Variants in ELP4 observed in about 807,000 individuals in gnomAD.
ELP4 encodes the protein elongator acetyltransferase complex subunit 4.
A neutral mutation model predicts 48.9 loss-of-function variants in ELP4; 51 were observed. That is an observed-to-expected ratio of 1.04 (90% CI 0.83 to 1.32). The LOEUF (loss-of-function observed/expected upper bound fraction) is 1.32. Among genes scored for constraint, ELP4 ranks in the 40% most tolerant of loss-of-function variants. The pLI, the probability that ELP4 is intolerant of heterozygous loss-of-function variation, is 0.00. For synonymous variants in ELP4, 210 were observed against 189.2 expected, an observed-to-expected ratio of 1.11 and a Z score of -0.90; for missense variants, 519 against 514.6, an observed-to-expected ratio of 1.01 and a Z score of -0.08.
intron 9 of ELP4, among the ~76,000 whole-genome samples, chr11:31,716,660 G>A (rs138806224): frequency 7.9e-5 from 12 of 152,222 alleles, no homozygotes; most frequent in African/African-American, 2.2e-4. Context: ...GATGATTTAC[G>A]TAGCTGGACA....
chr11:31,713,787 C>A (rs1452059211), intron 9 of ELP4, among the ~76,000 whole-genome samples: 1 of 152,006 alleles, frequency 6.6e-6, no homozygotes, highest in Non-Finnish European at 1.5e-5. Context: ...CAAACATACA[C>A]AAAAGTAGAG....
intron 9 of ELP4, among the ~76,000 whole-genome samples, chr11:31,725,180 G>A (rs1947051107): frequency 6.6e-6 from 1 of 152,198 alleles, no homozygotes; most frequent in Admixed American, 6.5e-5. Flanking sequence ...CGGGCTAGAT[G>A]TTTGAGTTTT....
chr11:31,738,996 T>C (rs1429195189), intron 9 of ELP4, among the ~76,000 whole-genome samples: 1 of 152,158 alleles, frequency 6.6e-6, no homozygotes, highest in African/African-American at 2.4e-5. Context: ...GAGATCTGTG[T>C]ACAACATTGT....
chr11:31,755,994 A>G (rs1332187325), intron 9 of ELP4, among the ~76,000 whole-genome samples: 8 of 152,204 alleles, frequency 5.3e-5, no homozygotes, highest in Non-Finnish European at 7.3e-5. Flanking sequence ...GAATTTTCCT[A>G]CATATCCGGG....
intron 7 of ELP4, among the ~76,000 whole-genome samples, chr11:31,641,716 T>G (rs561153679): frequency 1.2e-3 from 177 of 152,038 alleles, no homozygotes; most frequent in African/African-American, 4.1e-3. Flanking sequence ...CCCACCTGCC[T>G]CAGCCTTTTT....
At chr11:31,513,669 G>T (rs1956051881) in intron 1 of ELP4, among the ~76,000 whole-genome samples, 1 of 152,066 alleles carries the variant, frequency 6.6e-6, no homozygotes, top group Non-Finnish European at 1.5e-5. Context: ...AAAATGTATA[G>T]CTTAGTCAGA....
intron 2 of ELP4, among the ~76,000 whole-genome samples, chr11:31,521,867 T>C (rs1397302434): frequency 6.6e-6 from 1 of 152,172 alleles, no homozygotes; most frequent in Non-Finnish European, 1.5e-5. Flanking sequence ...AATTATGCCA[T>C]TTAATCATTT....
At position 31,787,379 on chromosome 11, in the gene ELP4, A is replaced by C. The variant is rs1948730076; in HGVS notation, c.*3855A>C. The C allele has an allele frequency of 4.3e-6, 1 of 233,366 alleles. No homozygotes were observed. The highest frequency in any genetic ancestry group is 2.2e-5 in the African/African-American group (1 of 45,470). The allele number at this position is 233,366 out of a possible 1,614,324, so 14.5% of individuals were successfully genotyped here. A position where few individuals can be genotyped will look rare whatever the true frequency, so the allele number is the denominator to read the frequency against. On this transcript the variant is annotated 3_prime_UTR_variant, in exon 10 of 10. Transcript: ENST00000640961. ...CCACCTCTTGCACCTGGCGTGCGACATCCGGGTCTCCAAAGTCTCTGCTGT... is the reference window on the plus strand; with the variant it reads ...CCACCTCTTGCACCTGGCGTGCGACCTCCGGGTCTCCAAAGTCTCTGCTGT...
intron 3 of ELP4, among the ~76,000 whole-genome samples, chr11:31,569,091 A>T (rs952778106): frequency 3.8e-4 from 58 of 152,026 alleles, no homozygotes; most frequent in African/African-American, 8.2e-4. Context: ...TCTCAAAAAA[A>T]AAAATAAAAA....
chr11:31,692,768 T>C (rs1024941432), intron 9 of ELP4, among the ~76,000 whole-genome samples: 1 of 152,084 alleles, frequency 6.6e-6, no homozygotes, highest in African/African-American at 2.4e-5. Flanking sequence ...CCTCTCCACC[T>C]CCTACCACTG....
intron 9 of ELP4, among the ~76,000 whole-genome samples, chr11:31,769,223 G>A (rs182797939): frequency 9.2e-5 from 14 of 152,040 alleles, no homozygotes; most frequent in Admixed American, 6.6e-4. Flanking sequence ...CATTTCCACC[G>A]AGCACTTCAT....
intron 9 of ELP4, among the ~76,000 whole-genome samples, chr11:31,742,654 T>C (rs1947481583): frequency 6.6e-6 from 1 of 152,128 alleles, no homozygotes; most frequent in Non-Finnish European, 1.5e-5. Context: ...TAAACTAAGC[T>C]TCATAAGTGA....
At chr11:31,600,387 C>G (rs182462244) in intron 4 of ELP4, 1 of 152,142 alleles carries the variant, frequency 6.6e-6, no homozygotes, top group African/African-American at 2.4e-5. Flanking sequence ...TACAATGACT[C>G]CAGCAATTCA....
At position 31,789,272 on chromosome 11, in the gene ELP4, A is replaced by C. The variant is rs570775936; in HGVS notation, c.*5748A>C. On this transcript the variant is annotated 3_prime_UTR_variant, in exon 10 of 10. Coordinates refer to ENST00000640961, the MANE Select transcript of ELP4 (RefSeq NM_019040.5). ...GGAAGACAAATACTTACATTTTGAC[A>C]TAAAACAAATTGGATTATATCGAAG... 17 of 221,358 alleles carry C rather than the reference A, an allele frequency of 7.7e-5. No individual in the cohort carries two copies. The highest frequency in any genetic ancestry group is 3.3e-4 in the African/African-American group (15 of 44,866). 13.7% of individuals were successfully genotyped at this position (221,358 alleles called of 1,614,324 possible).
At chr11:31,590,094 A>G (rs1412775080) in intron 3 of ELP4, among the ~76,000 whole-genome samples, 1 of 152,088 alleles carries the variant, frequency 6.6e-6, no homozygotes, top group South Asian at 2.1e-4. Context: ...TCAGTTTCCC[A>G]TTATGTATTA....
chr11:31,574,411 C>T (rs1957235899), intron 3 of ELP4, among the ~76,000 whole-genome samples: 1 of 152,180 alleles, frequency 6.6e-6, no homozygotes, highest in South Asian at 2.1e-4. Flanking sequence ...TTAAACCTCC[C>T]TGTCTGACAG....
intron 3 of ELP4, among the ~76,000 whole-genome samples, chr11:31,573,311 A>T (rs907834834): frequency 6.6e-6 from 1 of 151,782 alleles, no homozygotes; most frequent in African/African-American, 2.4e-5. Context: ...TCTACCCATT[A>T]CCCAATTCCA....
At chr11:31,562,911 T>A (rs1013067442) in intron 3 of ELP4, among the ~76,000 whole-genome samples, 1 of 152,126 alleles carries the variant, frequency 6.6e-6, no homozygotes, top group African/African-American at 2.4e-5. Flanking sequence ...ATGAAGATAA[T>A]ACAGGGAATA....
intron 9 of ELP4, among the ~76,000 whole-genome samples, chr11:31,722,769 G>A (rs1342522627): frequency 1.4e-5 from 2 of 141,308 alleles, no homozygotes; most frequent in South Asian, 4.4e-4. Flanking sequence ...GTATTTATTT[G>A]CTAATTAAGG....
Sources: gnomAD v4.1 joint callset for allele counts (sites outside exome capture counted in the v4.1 genomes callset) on GRCh38, gnomAD v4.1.1 for gene constraint, MANE v1.5 for transcripts, NCBI Gene and HGNC (gene_info 2026-07-23, HGNC 2026-07-21) for gene names.